The following MIPEP variants were observed in gnomAD, a reference collection of about 807,000 sequenced individuals.
MIPEP encodes the protein mitochondrial intermediate peptidase.
In MIPEP, 79 loss-of-function variants were observed where a neutral mutation model predicts 90.3. That is an observed-to-expected ratio of 0.87 (90% CI 0.73 to 1.05). MIPEP has a LOEUF of 1.05. MIPEP is among the 50% of genes least tolerant of loss of function. The pLI is 0.00. For synonymous variants in MIPEP, 334 were observed against 315.8 expected, an observed-to-expected ratio of 1.06 and a Z score of -0.61; for missense variants, 940 against 905.6, an observed-to-expected ratio of 1.04 and a Z score of -0.49.
rs200033676 is a variant in MIPEP at position 23,881,912 on chromosome 13, CTGACT to C, written c.364-130_364-126del. The C allele has an allele frequency of 6.5e-3, 4,448 of 680,422 alleles. 20 individuals carry two copies. The highest frequency in any genetic ancestry group is 8.2e-3 in the Non-Finnish European group (3,164 of 388,114). The allele number at this position is 680,422 out of a possible 1,614,324, so 42.1% of individuals were successfully genotyped here. A position where few individuals can be genotyped will look rare whatever the true frequency, so the allele number is the denominator to read the frequency against. On this transcript the variant is annotated intron_variant, in intron 2 of 18. Coordinates refer to ENST00000382172, the MANE Select transcript of MIPEP (RefSeq NM_005932.4). The stretch of plus-strand genomic sequence containing the variant: ...TGGCTTGCCCTATGCATTTCCATTA[CTGACT>C]TTTTCCTAAGCGAGTAAAGCAAAGC...
chr13:23,730,294 A>G lies in MIPEP; in HGVS notation c.*54T>C, dbSNP rs1289802317. The G allele has an allele frequency of 8.4e-6, 10 of 1,191,442 alleles. No homozygotes were observed. Among genetic ancestry groups the G allele is most frequent in the Non-Finnish European group, 1.2e-5 (10 of 810,894 alleles). The allele number at this position is 1,191,442 out of a possible 1,614,324, so 73.8% of individuals were successfully genotyped here. A position where few individuals can be genotyped will look rare whatever the true frequency, so the allele number is the denominator to read the frequency against. On this transcript the variant is annotated 3_prime_UTR_variant, in exon 19 of 19. Transcript: ENST00000382172. ...ACAAGCTCTCACAGCTGTAGCATTT[A>G]TAACAAAGTCATTATCTACATGACC...
intron 16 of MIPEP, among the ~76,000 whole-genome samples, chr13:23,780,010 T>C (rs1593149729): frequency 6.6e-6 from 1 of 152,316 alleles, no homozygotes; most frequent in East Asian, 1.9e-4. Context: ...CCTGCCTCAG[T>C]AGACTCCACC....
At chr13:23,812,182 C>G (rs1282028097) in intron 14 of MIPEP, among the ~76,000 whole-genome samples, 1 of 130,414 alleles carries the variant, frequency 7.7e-6, no homozygotes, top group Non-Finnish European at 1.6e-5. Flanking sequence ...TCCACAGTTA[C>G]TAACTGTAAC....
chr13:23,755,098 T>C (rs966526760), intron 18 of MIPEP, among the ~76,000 whole-genome samples: 2 of 152,194 alleles, frequency 1.3e-5, no homozygotes, highest in Non-Finnish European at 2.9e-5. Context: ...AGATACATGG[T>C]AATCCCTAAA....
intron 18 of MIPEP, among the ~76,000 whole-genome samples, chr13:23,750,845 G>A (rs1414041545): frequency 6.6e-6 from 1 of 152,166 alleles, no homozygotes; most frequent in African/African-American, 2.4e-5. Context: ...GATTTATTTG[G>A]CTGCTGGAGT....
At chr13:23,753,238 A>AAATAAT (rs1555231233) in intron 18 of MIPEP, among the ~76,000 whole-genome samples, 13 of 143,160 alleles carry the variant, frequency 9.1e-5, no homozygotes, top group South Asian at 2.2e-4. Context: ...AAAAAAAAAA[A>AAATAAT]AATAATAATA....
At chr13:23,732,075 G>A (rs1663816734) in intron 18 of MIPEP, among the ~76,000 whole-genome samples, 2 of 144,950 alleles carry the variant, frequency 1.4e-5, no homozygotes, top group South Asian at 2.3e-4. Context: ...CTGCAGCCTC[G>A]ACTTCCCAGG....
intron 17 of MIPEP, chr13:23,756,878 A>C (rs1189472119): frequency 4.4e-6 from 2 of 458,302 alleles, no homozygotes; most frequent in Non-Finnish European, 7.7e-6. Context: ...AAGAGACCTC[A>C]CTTTATAAAA....
chr13:23,790,061 C>T (rs1273942590), intron 16 of MIPEP, among the ~76,000 whole-genome samples: 2 of 152,196 alleles, frequency 1.3e-5, no homozygotes, highest in Admixed American at 6.5e-5. Context: ...AAGAACCATA[C>T]TTCCCTTGCA....
chr13:23,878,515 G>C (rs1871156456), intron 4 of MIPEP, among the ~76,000 whole-genome samples: 1 of 152,160 alleles, frequency 6.6e-6, no homozygotes, highest in Non-Finnish European at 1.5e-5. Flanking sequence ...AGTTGTCAGA[G>C]GAAGTGTCCC....
At chr13:23,802,935 A>G (rs1953061793) in intron 16 of MIPEP, among the ~76,000 whole-genome samples, 2 of 152,250 alleles carry the variant, frequency 1.3e-5, no homozygotes, top group African/African-American at 4.8e-5. Context: ...AAGCTATGAC[A>G]TTCAGCAGTG....
chr13:23,844,501 CAGCTT>C (rs1869450537), intron 10 of MIPEP, among the ~76,000 whole-genome samples: 1 of 152,188 alleles, frequency 6.6e-6, no homozygotes, highest in Non-Finnish European at 1.5e-5. Flanking sequence ...TAGAGAATCA[CAGCTT>C]ACCAGAGCAG....
intron 18 of MIPEP, among the ~76,000 whole-genome samples, chr13:23,751,231 T>C (rs1047321927): frequency 6.6e-6 from 1 of 152,192 alleles, no homozygotes; most frequent in Non-Finnish European, 1.5e-5. Context: ...ACAAAAAAAA[T>C]TTAATAAGCT....
At chr13:23,764,021 T>TA (rs1221162172) in intron 16 of MIPEP, among the ~76,000 whole-genome samples, 6 of 152,244 alleles carry the variant, frequency 3.9e-5, no homozygotes, top group Admixed American at 2.0e-4. Flanking sequence ...GCGCTGGAAT[T>TA]ATGATATCCT....
intron 7 of MIPEP, among the ~76,000 whole-genome samples, chr13:23,864,735 CA>C (rs373133876): frequency 5.9e-5 from 5 of 85,268 alleles, no homozygotes; most frequent in Non-Finnish European, 2.2e-5. Context: ...GACTCCATCT[CA>C]AAAAAAAAAA....
intron 2 of MIPEP, among the ~76,000 whole-genome samples, 177 bp from the exon 3 acceptor site, chr13:23,881,964 TTC>T (rs559365591): frequency 1.3e-5 from 2 of 152,238 alleles, no homozygotes; most frequent in South Asian, 4.1e-4. Context: ...GAACATTTAA[TTC>T]TGTTATTCCT....
intron 9 of MIPEP, among the ~76,000 whole-genome samples, chr13:23,860,472 A>G (rs1870241891): frequency 6.6e-6 from 1 of 152,240 alleles, no homozygotes; most frequent in Admixed American, 6.5e-5. Context: ...GAGAGAGCAA[A>G]GAACACAGCC....
chr13:23,864,128 A>G lies in MIPEP; in HGVS notation c.992+13T>C. On this transcript the variant is annotated intron_variant, in intron 8 of 18. Transcript: ENST00000382172. Reference sequence around the variant, plus strand: ...ATATAACCAAAAAACTAAATAGTAGAATAAAAACTAACCTTTCAGAAAGTT... The same window carrying G: ...ATATAACCAAAAAACTAAATAGTAGGATAAAAACTAACCTTTCAGAAAGTT... 1 of 1,472,216 alleles carries G rather than the reference A, an allele frequency of 6.8e-7. No individual in the cohort carries two copies. Among genetic ancestry groups the G allele is most frequent in the Non-Finnish European group, 9.3e-7 (1 of 1,077,694 alleles). The allele number at this position is 1,472,216 out of a possible 1,614,324, so 91.2% of individuals were successfully genotyped here. A position where few individuals can be genotyped will look rare whatever the true frequency, so the allele number is the denominator to read the frequency against.
At chr13:23,740,221 C>T (rs1482965627) in intron 18 of MIPEP, among the ~76,000 whole-genome samples, 3 of 152,148 alleles carry the variant, frequency 2.0e-5, no homozygotes, top group Non-Finnish European at 4.4e-5. Flanking sequence ...AATGAGGAAG[C>T]TCTCCCTGCC....
Sources: gnomAD v4.1 joint callset for allele counts (sites outside exome capture counted in the v4.1 genomes callset) on GRCh38, gnomAD v4.1.1 for gene constraint, MANE v1.5 for transcripts, NCBI Gene and HGNC (gene_info 2026-07-23, HGNC 2026-07-21) for gene names.